TAX1BP1: variants seen among roughly 807,000 people sequenced by gnomAD.
The protein encoded by TAX1BP1 is tax1-binding protein 1.
TAX1BP1 carries 62 observed loss-of-function variants against 97.7 expected under a neutral mutation model. The observed-to-expected ratio is 0.63, with a 90% CI of 0.52 to 0.78. The LOEUF (loss-of-function observed/expected upper bound fraction) is 0.78, where lower values mean the gene tolerates loss of function less well. TAX1BP1 is among the 30% of genes least tolerant of loss of function. The pLI is 0.00. For missense variants in TAX1BP1, 867 were observed against 916.1 expected (o/e 0.95, Z 0.69); for synonymous variants, 340 against 304.2 (o/e 1.12, Z -1.23).
chr7:27,783,776 A>G (rs1242797236), intron 5 of TAX1BP1, among the ~76,000 whole-genome samples: 1 of 152,250 alleles, frequency 6.6e-6, no homozygotes, highest in Non-Finnish European at 1.5e-5. Flanking sequence ...AAATAAAAAA[A>G]ATGTGAACAT....
upstream of TAX1BP1, chr7:27,739,705 G>A (rs971473252): frequency 2.0e-5 from 3 of 152,210 alleles, no homozygotes; most frequent in Non-Finnish European, 4.4e-5. Context: ...TTCAGAGACA[G>A]TCTTGGTGCT....
intron 3 of TAX1BP1, among the ~76,000 whole-genome samples, chr7:27,761,244 A>G (rs1321040510): frequency 6.6e-6 from 1 of 152,134 alleles, no homozygotes; most frequent in Non-Finnish European, 1.5e-5. Flanking sequence ...TTCTCTTGCA[A>G]TCCCTTACAC....
intron 3 of TAX1BP1, among the ~76,000 whole-genome samples, chr7:27,763,488 C>T (rs753966535): frequency 4.6e-5 from 7 of 151,982 alleles, no homozygotes; most frequent in East Asian, 1.9e-4. Context: ...ACCTTGAGGC[C>T]GGGCACGGTG....
chr7:27,807,731 C>T (rs1790394168), intron 13 of TAX1BP1, among the ~76,000 whole-genome samples: 1 of 152,022 alleles, frequency 6.6e-6, no homozygotes, highest in African/African-American at 2.4e-5. Flanking sequence ...CAGACTTTCA[C>T]CTGGTATTTT....
At chr7:27,747,837 GC>G (rs1787881822) in intron 1 of TAX1BP1, among the ~76,000 whole-genome samples, 1 of 151,884 alleles carries the variant, frequency 6.6e-6, no homozygotes, top group African/African-American at 2.4e-5. Context: ...ACACTCCCAG[GC>G]CCCAATCCCA....
chr7:27,760,281 C>CTTT, intron 3 of TAX1BP1, among the ~76,000 whole-genome samples: 1 of 152,152 alleles, frequency 6.6e-6, no homozygotes, highest in East Asian at 1.9e-4. Context: ...CCAAACTATA[C>CTTT]TAAAATATTT....
chr7:27,745,765 G>A (rs1411555686), intron 1 of TAX1BP1, among the ~76,000 whole-genome samples: 4 of 151,550 alleles, frequency 2.6e-5, no homozygotes, highest in Admixed American at 2.0e-4. Context: ...TTGTTAATAG[G>A]GCTATTTAAA....
intron 2 of TAX1BP1, among the ~76,000 whole-genome samples, chr7:27,754,578 T>C (rs1263240708): frequency 6.6e-6 from 1 of 151,972 alleles, no homozygotes; most frequent in East Asian, 1.9e-4. Flanking sequence ...TTTTTTGTTT[T>C]CGTTTTTGTT....
chr7:27,790,349 A>C (rs1789658512), intron 8 of TAX1BP1, among the ~76,000 whole-genome samples: 1 of 151,964 alleles, frequency 6.6e-6, no homozygotes, highest in Non-Finnish European at 1.5e-5. Flanking sequence ...TGCAGTAAAC[A>C]TCCTTATAGC....
At position 27,748,652 on chromosome 7, in the gene TAX1BP1, A is replaced by G. The variant is rs1265159514; in HGVS notation, c.128A>G (p.His43Arg). The stretch of plus-strand genomic sequence containing the variant: ...CATTACACCTTAACTCCATATATTC[A>G]TCCACATCCAAAAGATTGGGTTGGT... ...ECHYTLTPYI[H>R]PHPKDWVGIF... Residue 43 changes from histidine to arginine, a missense_variant, in exon 2 of 17, where the codon CAT (histidine) becomes CGT (arginine). Coordinates refer to ENST00000396319, the MANE Select transcript of TAX1BP1 (RefSeq NM_006024.7). 5 of 1,566,146 alleles carry G rather than the reference A, an allele frequency of 3.2e-6. No homozygotes were observed. The South Asian group carries it at 6.1e-5, about 19-fold the overall frequency.
chr7:27,808,642 TG>T lies in TAX1BP1; in HGVS notation c.1765-7706del, dbSNP rs531982916. Among the ~76,000 whole-genome samples the T allele has an allele frequency of 4.5e-4, 68 of 152,266 alleles. 1 individual carries two copies. The highest frequency in any genetic ancestry group is 6.8e-3 in the Middle Eastern group (2 of 294). ...TGGAGTATCAGAAACATCCTTAACT[TG>T]TCAAATAATTTGTAAAACCGGGGTC... On this transcript the variant is annotated intron_variant, in intron 13 of 16. Transcript: ENST00000396319.
chr7:27,749,406 C>T (rs955757280), intron 2 of TAX1BP1, among the ~76,000 whole-genome samples: 1 of 152,146 alleles, frequency 6.6e-6, no homozygotes, highest in African/African-American at 2.4e-5. Context: ...TCACTTTTCT[C>T]CTGTGTTATT....
intron 15 of TAX1BP1, among the ~76,000 whole-genome samples, chr7:27,826,855 G>A (rs1301616670): frequency 1.3e-5 from 2 of 152,132 alleles, no homozygotes; most frequent in East Asian, 3.9e-4. Flanking sequence ...TTAGTGCATT[G>A]CTTTGCTTTA....
chr7:27,739,831 T>C (rs2237338), upstream of TAX1BP1: 2,073 of 152,414 alleles, frequency 0.014, 126 homozygotes, highest in East Asian at 0.18. Flanking sequence ...GATACGGTAC[T>C]GTCCATGGAC....
chr7:27,745,443 CATAATT>C (rs1436354585), intron 1 of TAX1BP1, among the ~76,000 whole-genome samples: 2 of 151,928 alleles, frequency 1.3e-5, no homozygotes, highest in Non-Finnish European at 2.9e-5. Flanking sequence ...TTGATAATGA[CATAATT>C]ATATTTGATT....
At chr7:27,803,133 G>T (rs996499746) in intron 13 of TAX1BP1, 7 of 1,547,948 alleles carry the variant, frequency 4.5e-6, no homozygotes, top group African/African-American at 1.4e-5. Context: ...GAAAGACAAA[G>T]AAATAAGTGG....
In TAX1BP1 at chr7:27,824,549, CAA is replaced by C. The variant is rs34757943; in HGVS notation, c.2086-3166_2086-3165del. Reference sequence around the variant, plus strand: ...TGGGTGACAGAGCAAGACCTTGTCTCAAAAAAAAAAAAAAAAAAAAAAAATTA... The same window carrying C: ...TGGGTGACAGAGCAAGACCTTGTCTCAAAAAAAAAAAAAAAAAAAAAATTA... On this transcript the variant is annotated intron_variant, in intron 15 of 16. Coordinates refer to ENST00000396319, the MANE Select transcript of TAX1BP1 (RefSeq NM_006024.7). 9.2e-4 allele frequency among the ~76,000 whole-genome samples: 84 copies of C among 91,592 alleles called. 1 individual carries two copies. The highest frequency in any genetic ancestry group is 2.4e-3 in the African/African-American group (56 of 23,548). 60.1% of individuals were successfully genotyped at this position (91,592 alleles called of 152,430 possible).
chr7:27,825,784 C>T (rs1268165409), intron 15 of TAX1BP1, among the ~76,000 whole-genome samples: 1 of 152,042 alleles, frequency 6.6e-6, no homozygotes, highest in Non-Finnish European at 1.5e-5. Context: ...AGGCTGTTAG[C>T]TATTATAAAA....
rs377406209 is a variant in TAX1BP1, at chr7:27,816,345, T to A, written c.1765-4T>A. ...TTATTCATCTTTGTTTTTGTTAATT[T>A]TAGGAACTTAAAAGGAGTCTAGAAA... On this transcript the variant is annotated splice_region_variant and splice_polypyrimidine_tract_variant and intron_variant, in intron 13 of 16. Transcript: ENST00000396319. 1.3e-6 allele frequency: 2 copies of A among 1,556,298 alleles called. No homozygotes were observed. Among genetic ancestry groups the A allele is most frequent in the Non-Finnish European group, 1.7e-6 (2 of 1,162,256 alleles).
Sources: gnomAD v4.1 joint callset for allele counts (sites outside exome capture counted in the v4.1 genomes callset) on GRCh38, gnomAD v4.1.1 for gene constraint, MANE v1.5 for transcripts, NCBI Gene and HGNC (gene_info 2026-07-23, HGNC 2026-07-21) for gene names.